The following LPP variants were observed in gnomAD, a reference collection of about 807,000 sequenced individuals.
The protein encoded by LPP is lipoma-preferred partner.
LPP carries 38 observed loss-of-function variants against 60.4 expected under a neutral mutation model. That is an observed-to-expected ratio of 0.63 (90% CI 0.49 to 0.83). The LOEUF is 0.83. LPP is among the 40% of genes least tolerant of loss of function. The pLI, the probability that LPP is intolerant of heterozygous loss-of-function variation, is 0.00. For missense variants in LPP, 902 were observed against 783.6 expected, an observed-to-expected ratio of 1.15 and a Z score of -1.80; for synonymous variants, 328 against 290.8, an observed-to-expected ratio of 1.13 and a Z score of -1.30.
intron 2 of LPP, among the ~76,000 whole-genome samples, chr3:188,237,982 C>G (rs2149417474): frequency 6.6e-6 from 1 of 152,324 alleles, no homozygotes; most frequent in Admixed American, 6.5e-5. Flanking sequence ...AAGCCTGTTT[C>G]ATCTACAATG....
intron 6 of LPP, among the ~76,000 whole-genome samples, chr3:188,537,458 C>A (rs931822243): frequency 3.9e-5 from 6 of 152,194 alleles, no homozygotes; most frequent in Admixed American, 3.9e-4. Context: ...GGATTCAAGA[C>A]AGTGGCCATT....
At chr3:188,744,535 T>G (rs1441073697) in intron 8 of LPP, among the ~76,000 whole-genome samples, 1 of 152,200 alleles carries the variant, frequency 6.6e-6, no homozygotes, top group African/African-American at 2.4e-5. Flanking sequence ...CATTGTGCTA[T>G]CTTGGACAAG....
chr3:188,622,795 C>T (rs527460553), intron 7 of LPP, among the ~76,000 whole-genome samples: 5 of 151,968 alleles, frequency 3.3e-5, no homozygotes, highest in African/African-American at 7.2e-5. Flanking sequence ...TTTGGGAGAC[C>T]GAGGCAGGCA....
At chr3:188,772,245 A>G (rs1736271175) in intron 9 of LPP, among the ~76,000 whole-genome samples, 1 of 152,164 alleles carries the variant, frequency 6.6e-6, no homozygotes, top group African/African-American at 2.4e-5. Context: ...TTCTCTGTCT[A>G]TTCCCATGCC....
intron 2 of LPP, among the ~76,000 whole-genome samples, chr3:188,321,205 A>G (rs62291425): frequency 3.3e-5 from 5 of 152,218 alleles, no homozygotes; most frequent in Non-Finnish European, 5.9e-5. Context: ...CTCTGTTCTC[A>G]TCCTGGGAGT....
At chr3:188,802,402 T>C (rs899765830) in intron 9 of LPP, among the ~76,000 whole-genome samples, 7 of 152,312 alleles carry the variant, frequency 4.6e-5, no homozygotes, top group Admixed American at 4.6e-4. Flanking sequence ...ATGGTCAGGT[T>C]GAACTTTCTT....
chr3:188,501,696 CCGAGATCACTCCAG>C (rs1811936079), intron 5 of LPP, among the ~76,000 whole-genome samples: 1 of 150,520 alleles, frequency 6.6e-6, no homozygotes, highest in Non-Finnish European at 1.5e-5. Flanking sequence ...TTGCAGTGAG[CCGAGATCACTCCAG>C]CCTGGGTGAC....
At chr3:188,226,187 T>C (rs1283654192) in intron 2 of LPP, among the ~76,000 whole-genome samples, 1 of 152,048 alleles carries the variant, frequency 6.6e-6, no homozygotes, top group Non-Finnish European at 1.5e-5. Context: ...TTTTGTATTT[T>C]CAGTAGAGAT....
intron 6 of LPP, among the ~76,000 whole-genome samples, chr3:188,576,311 G>A (rs1834606813): frequency 6.6e-6 from 1 of 152,110 alleles, no homozygotes; most frequent in Non-Finnish European, 1.5e-5. Flanking sequence ...TTGGAGGAAA[G>A]GACATTCATT....
intron 7 of LPP, among the ~76,000 whole-genome samples, chr3:188,619,158 G>T (rs917516151): frequency 3.9e-5 from 6 of 152,134 alleles, no homozygotes; most frequent in African/African-American, 1.4e-4. Context: ...CCAAGTAGCT[G>T]GGATTACAGG....
chr3:188,493,159 T>C lies in LPP; in HGVS notation c.306+8455T>C, dbSNP rs142219621. ...TTTGTATATCTAAAATGAGTTGTTA[T>C]TGCCTTCATATTTGAGTAAAAGCTT... On this transcript the variant is annotated intron_variant, in intron 5 of 11. Coordinates refer to ENST00000617246, the MANE Select transcript of LPP (RefSeq NM_001375462.1). Among the ~76,000 whole-genome samples the C allele has an allele frequency of 5.5e-4, 84 of 152,334 alleles. 1 individual carries two copies. Among genetic ancestry groups the C allele is most frequent in the African/African-American group, 2.0e-3 (83 of 41,582 alleles).
At chr3:188,314,797 G>A (rs974860194) in intron 2 of LPP, among the ~76,000 whole-genome samples, 5 of 152,256 alleles carry the variant, frequency 3.3e-5, no homozygotes, top group South Asian at 4.1e-4. Context: ...CCAGCCTGGC[G>A]ACAGAGAGAG....
intron 1 of LPP, among the ~76,000 whole-genome samples, chr3:188,213,966 A>ACACACACACG (rs1712396921): frequency 6.8e-6 from 1 of 146,056 alleles, no homozygotes; most frequent in Non-Finnish European, 1.5e-5. Flanking sequence ...TTTTAAACAC[A>ACACACACACG]CACACACACA....
At chr3:188,240,451 A>G (rs1723907443) in intron 2 of LPP, among the ~76,000 whole-genome samples, 1 of 152,076 alleles carries the variant, frequency 6.6e-6, no homozygotes, top group South Asian at 2.1e-4. Context: ...TGACAGTAGC[A>G]ACTTCATAGG....
At chr3:188,588,086 T>A (rs140267682) in intron 6 of LPP, among the ~76,000 whole-genome samples, 395 of 152,344 alleles carry the variant, frequency 2.6e-3, no homozygotes, top group African/African-American at 8.4e-3. Flanking sequence ...GCAGACAAAC[T>A]CTGATATTTA....
intron 7 of LPP, among the ~76,000 whole-genome samples, chr3:188,625,767 G>C (rs564494331): frequency 2.0e-5 from 3 of 152,242 alleles, no homozygotes; most frequent in South Asian, 4.1e-4. Flanking sequence ...GTATTACTTA[G>C]TATTCCATCC....
intron 3 of LPP, among the ~76,000 whole-genome samples, chr3:188,371,462 A>G (rs780657942): frequency 8.1e-4 from 123 of 151,032 alleles, no homozygotes; most frequent in Non-Finnish European, 1.5e-3. Context: ...GGTATCAGAC[A>G]TGCCACTGGA....
chr3:188,426,732 T>C (rs1251523182), intron 4 of LPP, among the ~76,000 whole-genome samples: 2 of 151,992 alleles, frequency 1.3e-5, no homozygotes, highest in Non-Finnish European at 2.9e-5. Flanking sequence ...TTTTTATCTT[T>C]GTTGGTTTAA....
chr3:188,570,059 T>C (rs899975665), intron 6 of LPP, among the ~76,000 whole-genome samples: 2 of 150,650 alleles, frequency 1.3e-5, no homozygotes, highest in Non-Finnish European at 3.0e-5. Flanking sequence ...TCTGATAGCC[T>C]TAATCACTAA....
Sources: allele counts gnomAD v4.1 joint callset (sites outside exome capture counted in the v4.1 genomes callset), GRCh38; gene constraint gnomAD v4.1.1; transcripts MANE v1.5; gene names NCBI Gene and HGNC (gene_info 2026-07-23, HGNC 2026-07-21).